TAFA2: variants seen among roughly 807,000 people sequenced by gnomAD.
TAFA2 encodes TAFA chemokine like family member 2, also known as chemokine-like protein TAFA-2.
A neutral mutation model predicts 18.8 loss-of-function variants in TAFA2; 7 were observed. The observed-to-expected ratio is 0.37, with a 90% CI of 0.21 to 0.70. TAFA2 has a LOEUF of 0.70. Among genes scored for constraint, TAFA2 ranks in the 30% least tolerant of loss-of-function variants. The probability of loss-of-function intolerance (pLI) is 0.53; values close to 1 mark genes in which losing one functional copy is unlikely to be tolerated. For missense variants in TAFA2, 122 were observed against 158.1 expected (o/e 0.77, Z 1.23); for synonymous variants, 60 against 54.2 (o/e 1.11, Z -0.47).
chr12:62,125,757 A>G (rs1298528234), intron 1 of TAFA2, among the ~76,000 whole-genome samples: 1 of 152,104 alleles, frequency 6.6e-6, no homozygotes, highest in Non-Finnish European at 1.5e-5. Context: ...CCTGGGTTCA[A>G]ATTCCATCTC....
chr12:62,091,836 C>T (rs1286336776), intron 1 of TAFA2, among the ~76,000 whole-genome samples: 2 of 151,920 alleles, frequency 1.3e-5, no homozygotes, highest in South Asian at 2.1e-4. Context: ...TTTTGAAACA[C>T]TTTTTGAAGA....
chr12:62,040,459 TAGAA>T (rs1565725248), intron 1 of TAFA2, among the ~76,000 whole-genome samples: 1 of 151,950 alleles, frequency 6.6e-6, no homozygotes, highest in Non-Finnish European at 1.5e-5. Flanking sequence ...TATTTCCTCA[TAGAA>T]AGAGGAAATT....
chr12:61,877,942 T>C lies in TAFA2; in HGVS notation c.-1-10516A>G, dbSNP rs12310358. The C allele has an allele frequency of 6.3e-4, 144 of 227,910 alleles. 1 individual carries two copies. Among genetic ancestry groups the C allele is most frequent in the South Asian group, 1.4e-3 (44 of 30,378 alleles). 14.1% of individuals were successfully genotyped at this position (227,910 alleles called of 1,614,324 possible). ...ATATATATACACACACACACACACA[T>C]ACATATACATATATATACACACACA... is the stretch of plus-strand genomic sequence containing the variant. On this transcript the variant is annotated intron_variant, in intron 1 of 4. Coordinates refer to ENST00000416284, the MANE Select transcript of TAFA2 (RefSeq NM_178539.5).
intron 1 of TAFA2, among the ~76,000 whole-genome samples, chr12:62,155,450 A>G (rs2136924197): frequency 6.6e-6 from 1 of 152,264 alleles, no homozygotes; most frequent in Admixed American, 6.5e-5. Flanking sequence ...AAAAATTCTA[A>G]AATTCATATA....
At position 61,972,305 on chromosome 12, in the gene TAFA2, TAA is replaced by T. The variant is rs35399389; in HGVS notation, c.-1-104881_-1-104880del. 6.7e-3 allele frequency among the ~76,000 whole-genome samples: 962 copies of T among 143,514 alleles called. 6 individuals carry two copies. The highest frequency in any genetic ancestry group is 0.016 in the East Asian group (79 of 4,932). 94.2% of individuals were successfully genotyped at this position (143,514 alleles called of 152,430 possible). ...TTAAAATAAATATAAAGTTGAACCT[TAA>T]AAAAAAAAAAAAAGATCCAGGTAGC... On this transcript the variant is annotated intron_variant, in intron 1 of 4. Transcript: ENST00000416284.
chr12:61,796,092 C>T (rs1052829199), intron 2 of TAFA2, among the ~76,000 whole-genome samples: 33 of 152,118 alleles, frequency 2.2e-4, no homozygotes, highest in Non-Finnish European at 4.6e-4. Flanking sequence ...TCTTAAAGCA[C>T]TAAGCATAAA....
At chr12:61,841,935 A>G (rs1003601426) in intron 2 of TAFA2, among the ~76,000 whole-genome samples, 1 of 152,086 alleles carries the variant, frequency 6.6e-6, no homozygotes, top group Non-Finnish European at 1.5e-5. Context: ...GTCAAGAAAG[A>G]AGATGGAGAA....
At chr12:62,256,269 CA>C (rs57674252) in intron 1 of TAFA2, among the ~76,000 whole-genome samples, 94 of 138,680 alleles carry the variant, frequency 6.8e-4, no homozygotes, top group Middle Eastern at 3.6e-3. Flanking sequence ...ACTCCATCTC[CA>C]AAAAAAAAAA....
chr12:61,905,732 A>G (rs998699415), intron 1 of TAFA2, among the ~76,000 whole-genome samples: 8 of 152,226 alleles, frequency 5.3e-5, no homozygotes, highest in Non-Finnish European at 1.2e-4. Flanking sequence ...TCATGTATGA[A>G]AGCAAAGGAT....
intron 1 of TAFA2, among the ~76,000 whole-genome samples, chr12:62,146,562 T>C (rs762334816): frequency 6.6e-6 from 1 of 152,178 alleles, no homozygotes; most frequent in Admixed American, 6.5e-5. Context: ...GTAGGAAGGC[T>C]TCTGGTTCTT....
At chr12:61,710,775 A>C (rs1226819723) in intron 4 of TAFA2, among the ~76,000 whole-genome samples, 1 of 151,994 alleles carries the variant, frequency 6.6e-6, no homozygotes. Flanking sequence ...TATCACAAAC[A>C]CATCATACTA....
chr12:61,923,731 G>A (rs922971624), intron 1 of TAFA2, among the ~76,000 whole-genome samples: 2 of 152,100 alleles, frequency 1.3e-5, no homozygotes, highest in African/African-American at 4.8e-5. Flanking sequence ...ACTGGATGGA[G>A]AATGAGTTTG....
chr12:62,027,106 G>A (rs1881331000), intron 1 of TAFA2, among the ~76,000 whole-genome samples: 1 of 152,044 alleles, frequency 6.6e-6, no homozygotes, highest in Non-Finnish European at 1.5e-5. Flanking sequence ...ACATCTGCCA[G>A]ATATTTATAA....
intron 1 of TAFA2, among the ~76,000 whole-genome samples, chr12:62,041,445 T>C (rs1364936235): frequency 3.9e-5 from 6 of 152,318 alleles, no homozygotes; most frequent in Non-Finnish European, 8.8e-5. Flanking sequence ...TAAAGCTTTG[T>C]AACTTTACAG....
intron 1 of TAFA2, among the ~76,000 whole-genome samples, chr12:61,999,977 A>T (rs556597645): frequency 6.6e-6 from 1 of 152,166 alleles, no homozygotes; most frequent in African/African-American, 2.4e-5. Flanking sequence ...ATTTTCATAC[A>T]TTTCCAAAGA....
chr12:61,852,793 T>C (rs916592251), intron 2 of TAFA2, among the ~76,000 whole-genome samples: 2 of 151,378 alleles, frequency 1.3e-5, no homozygotes, highest in African/African-American at 2.4e-5. Context: ...ATGAGAAAAA[T>C]AGGAAGAAAA....
At chr12:62,056,688 T>C (rs1882195642) in intron 1 of TAFA2, among the ~76,000 whole-genome samples, 1 of 152,200 alleles carries the variant, frequency 6.6e-6, no homozygotes, top group Non-Finnish European at 1.5e-5. Context: ...CACCTAGGAA[T>C]AAGCAAGTCC....
chr12:61,832,092 C>A (rs1004586729), intron 2 of TAFA2, among the ~76,000 whole-genome samples: 1 of 152,058 alleles, frequency 6.6e-6, no homozygotes, highest in East Asian at 1.9e-4. Context: ...GATCTTGCCA[C>A]TCAATCAAGA....
upstream of TAFA2, chr12:62,259,674 G>C (rs934353897): frequency 2.6e-5 from 4 of 152,154 alleles, no homozygotes; most frequent in Admixed American, 2.0e-4. Flanking sequence ...TCTTCCTTTA[G>C]TATCTGGCAT....
Sources: allele counts gnomAD v4.1 joint callset (sites outside exome capture counted in the v4.1 genomes callset), GRCh38; gene constraint gnomAD v4.1.1; transcripts MANE v1.5; gene names NCBI Gene and HGNC (gene_info 2026-07-23, HGNC 2026-07-21).